SYNE1: variants seen among roughly 807,000 people sequenced by gnomAD.
SYNE1 encodes nesprin-1.
Under a neutral mutation model 1,111.0 loss-of-function variants are expected in SYNE1, and 616 were observed. The ratio of observed to expected loss-of-function variants is 0.55; its 90% confidence interval spans 0.52 to 0.59. The LOEUF is 0.59. Ranked by LOEUF, SYNE1 falls within the 20% of genes least tolerant of loss-of-function variation. The pLI, the probability that SYNE1 is intolerant of heterozygous loss-of-function variation, is 0.00. For missense variants in SYNE1, 10,006 were observed against 10,417.0 expected, an observed-to-expected ratio of 0.96 and a Z score of 1.72; for synonymous variants, 3,855 against 3,825.8, an observed-to-expected ratio of 1.01 and a Z score of -0.28.
intron 104 of SYNE1, among the ~76,000 whole-genome samples, chr6:152,251,030 A>G (rs1322277438): frequency 6.6e-6 from 1 of 152,126 alleles, no homozygotes; most frequent in Non-Finnish European, 1.5e-5. Context: ...GCTCACTGGA[A>G]CCTCAGCCTC....
At chr6:152,195,026 T>G (rs2073727602) in intron 127 of SYNE1, among the ~76,000 whole-genome samples, 9 of 152,136 alleles carry the variant, frequency 5.9e-5, no homozygotes, top group Admixed American at 5.9e-4. Flanking sequence ...GTTCAAGCGA[T>G]TCTCAGGCCT....
At chr6:152,566,109 A>T (rs1468875644) in intron 3 of SYNE1, among the ~76,000 whole-genome samples, 1 of 152,176 alleles carries the variant, frequency 6.6e-6, no homozygotes, top group African/African-American at 2.4e-5. Flanking sequence ...GTATAGGGAA[A>T]AACAGGGGAA....
intron 22 of SYNE1, chr6:152,456,640 T>C: frequency 2.5e-6 from 1 of 405,574 alleles, no homozygotes. Flanking sequence ...GCTGCACATC[T>C]GCAGGACAAG....
At chr6:152,611,480 C>G (rs1227457975) in intron 3 of SYNE1, among the ~76,000 whole-genome samples, 1 of 152,262 alleles carries the variant, frequency 6.6e-6, no homozygotes, top group Middle Eastern at 3.4e-3. Context: ...AATACAGGAG[C>G]ACCCAGATTC....
chr6:152,136,199 C>T (rs1283452467), intron 141 of SYNE1, among the ~76,000 whole-genome samples: 1 of 152,166 alleles, frequency 6.6e-6, no homozygotes, highest in Non-Finnish European at 1.5e-5. Flanking sequence ...GTTTTAGCAC[C>T]ACGTCTGCCA....
chr6:152,265,936 A>G (rs988742973), intron 100 of SYNE1, among the ~76,000 whole-genome samples: 1 of 152,144 alleles, frequency 6.6e-6, no homozygotes, highest in African/African-American at 2.4e-5. Flanking sequence ...GCTGAATATC[A>G]GGCTTTTTCC....
rs138700677 is a variant in SYNE1, at chr6:152,466,373, C to T, written c.1633-295G>A. Among the ~76,000 whole-genome samples, 1,458 of 152,276 alleles carry T rather than the reference C, an allele frequency of 9.6e-3. 10 individuals are homozygous for T. The highest frequency in any genetic ancestry group is 0.014 in the Admixed American group (219 of 15,278). On this transcript the variant is annotated intron_variant, in intron 16 of 145. Coordinates refer to ENST00000367255, the MANE Select transcript of SYNE1 (RefSeq NM_182961.4). ...AGAAATTTCTCCAGAGAACTTGGGTCTAACATTTAGAAAGCACTAAATTTA... is the reference window on the plus strand; with the variant it reads ...AGAAATTTCTCCAGAGAACTTGGGTTTAACATTTAGAAAGCACTAAATTTA...
In SYNE1 at chr6:152,329,783, C is replaced by T. The variant is rs745978878; in HGVS notation, c.14902G>A (p.Ala4968Thr). ...LISADLEHSL[A>T]ELSELDGDIQ... ...TCTCCATCCAGCTCTGAGAGCTCAG[C>T]GAGGCTGTGTTCTAAATCCGCAGAA... Residue 4968 changes from alanine to threonine, a missense_variant, in exon 78 of 146, where the codon GCT becomes ACT. Ala to Thr is a moderately conservative substitution (Grantham distance 58). Transcript: ENST00000367255. 46 of 1,614,070 alleles carry T rather than the reference C, an allele frequency of 2.8e-5. No individual in the cohort carries two copies. The highest frequency in any genetic ancestry group is 2.2e-4 in the Admixed American group (13 of 59,998).
chr6:152,524,604 T>C (rs2099154948), intron 5 of SYNE1, among the ~76,000 whole-genome samples: 1 of 152,098 alleles, frequency 6.6e-6, no homozygotes, highest in Non-Finnish European at 1.5e-5. Context: ...CCTGTTCATA[T>C]ATGTCTAGCT....
In SYNE1 at chr6:152,220,998, C is replaced by T. The variant is rs148606479; in HGVS notation, c.21705G>A (p.Lys7235=). ...ATCTTTGCCAAAGCTGAAGTAGGGC[C>T]TTGCTGGACTGTAGCTGCTCAGCAA... The part of the protein sequence containing the change: ...EEIAEQLQSS[K]ALLQLWQRYK... Residue 7235 remains lysine, a synonymous_variant, in exon 119 of 146, where the codon AAG becomes AAA. Transcript: ENST00000367255. 111 of 1,614,014 alleles carry T rather than the reference C, an allele frequency of 6.9e-5. No individual in the cohort carries two copies. The highest frequency in any genetic ancestry group is 9.3e-5 in the African/African-American group (7 of 74,930).
At chr6:152,594,736 A>C (rs758778971) in intron 3 of SYNE1, among the ~76,000 whole-genome samples, 1 of 152,276 alleles carries the variant, frequency 6.6e-6, no homozygotes, top group South Asian at 2.1e-4. Context: ...CTTCCAAGGA[A>C]TTTCTACTGA....
At chr6:152,356,610 A>T (rs1338015738) in intron 66 of SYNE1, among the ~76,000 whole-genome samples, 1 of 151,580 alleles carries the variant, frequency 6.6e-6, no homozygotes, top group Non-Finnish European at 1.5e-5. Context: ...ATACAAAATA[A>T]TTTCTGAATA....
intron 115 of SYNE1, among the ~76,000 whole-genome samples, chr6:152,229,907 G>A (rs1298563022): frequency 1.3e-5 from 2 of 152,100 alleles, no homozygotes; most frequent in African/African-American, 2.4e-5. Context: ...ACTTTTGGTG[G>A]TGATAATAAT....
chr6:152,598,411 T>C (rs1050664066), intron 3 of SYNE1, among the ~76,000 whole-genome samples: 16 of 152,200 alleles, frequency 1.1e-4, no homozygotes, highest in African/African-American at 3.9e-4. Flanking sequence ...AATTGCCCTG[T>C]CTAGGGTATG....
intron 3 of SYNE1, among the ~76,000 whole-genome samples, chr6:152,549,857 G>A (rs2141148): frequency 0.34 from 51,027 of 151,526 alleles, 8,876 homozygotes; most frequent in East Asian, 0.45. Flanking sequence ...TAAAACCAGT[G>A]GCTAGATTGA....
intron 98 of SYNE1, among the ~76,000 whole-genome samples, chr6:152,277,243 A>G (rs1280479976): frequency 7.1e-6 from 1 of 140,774 alleles, no homozygotes. Context: ...TGTTCTTGCA[A>G]TCACACTCCT....
At chr6:152,592,483 A>T (rs113074153) in intron 3 of SYNE1, among the ~76,000 whole-genome samples, 1 of 152,210 alleles carries the variant, frequency 6.6e-6, no homozygotes, top group African/African-American at 2.4e-5. Flanking sequence ...CAAATACTGC[A>T]TGTTTTCACT....
chr6:152,160,968 G>C (rs997093641), intron 131 of SYNE1, among the ~76,000 whole-genome samples: 1 of 151,622 alleles, frequency 6.6e-6, no homozygotes, highest in Non-Finnish European at 1.5e-5. Context: ...ACACATATGT[G>C]TAATGTGTGT....
intron 34 of SYNE1, among the ~76,000 whole-genome samples, chr6:152,432,159 A>G (rs1401315322): frequency 6.6e-6 from 1 of 152,202 alleles, no homozygotes; most frequent in African/African-American, 2.4e-5. Context: ...TTTATCAATT[A>G]TAAGTTAGGA....
Sources: gnomAD v4.1 joint callset for allele counts (sites outside exome capture counted in the v4.1 genomes callset) on GRCh38, gnomAD v4.1.1 for gene constraint, MANE v1.5 for transcripts, NCBI Gene and HGNC (gene_info 2026-07-23, HGNC 2026-07-21) for gene names.